The following UVRAG variants were observed in gnomAD, a reference collection of about 807,000 sequenced individuals.
UVRAG encodes UV radiation resistance-associated gene protein.
In UVRAG, 19 loss-of-function variants were observed where a neutral mutation model predicts 78.0. The observed-to-expected ratio is 0.24, with a 90% CI of 0.17 to 0.36. The LOEUF (loss-of-function observed/expected upper bound fraction) is 0.36. Among genes scored for constraint, UVRAG ranks in the 10% least tolerant of loss-of-function variants. The pLI, the probability that UVRAG is intolerant of heterozygous loss-of-function variation, is 1.00. For synonymous variants in UVRAG, 323 were observed against 324.6 expected (o/e 1.00, Z 0.05); for missense variants, 740 against 853.8 (o/e 0.87, Z 1.66).
chr11:76,142,642 G>T lies in UVRAG; in HGVS notation c.*1229G>T, dbSNP rs1194458347. On this transcript the variant is annotated 3_prime_UTR_variant, in exon 15 of 15. Transcript: ENST00000356136. ...TATTATATAGAAGAATAAAAATTGA[G>T]TTTACTTCACCCGACCTGATTTTTT... 3.9e-5 allele frequency: 6 copies of T among 152,272 alleles called. No individual in the cohort carries two copies. The highest frequency in any genetic ancestry group is 8.8e-5 in the Non-Finnish European group (6 of 68,026). The allele number at this position is 152,272 out of a possible 1,614,324, so 9.4% of individuals were successfully genotyped here.
intron 9 of UVRAG, among the ~76,000 whole-genome samples, chr11:76,006,391 G>A (rs1378550434): frequency 6.6e-6 from 1 of 152,094 alleles, no homozygotes; most frequent in African/African-American, 2.4e-5. Context: ...CAGGCAAGGT[G>A]TCTCATGCCT....
intron 13 of UVRAG, among the ~76,000 whole-genome samples, chr11:76,094,298 G>A (rs1414985705): frequency 6.6e-6 from 1 of 152,158 alleles, no homozygotes; most frequent in Non-Finnish European, 1.5e-5. Context: ...ATGTTCATAA[G>A]GGATATTGGT....
chr11:75,869,003 A>G (rs1356577876), intron 3 of UVRAG, among the ~76,000 whole-genome samples: 2 of 152,224 alleles, frequency 1.3e-5, no homozygotes, highest in East Asian at 1.9e-4. Flanking sequence ...CATGTTGGAC[A>G]TGTCATATAC....
intron 13 of UVRAG, among the ~76,000 whole-genome samples, chr11:76,096,423 A>T (rs558547556): frequency 6.6e-6 from 1 of 152,306 alleles, no homozygotes; most frequent in South Asian, 2.1e-4. Context: ...GAAGGAAAAA[A>T]ATTAAACCTT....
chr11:76,095,209 C>T (rs1441257988), intron 13 of UVRAG, among the ~76,000 whole-genome samples: 1 of 152,062 alleles, frequency 6.6e-6, no homozygotes, highest in African/African-American at 2.4e-5. Context: ...GATTTTCAAC[C>T]GGTCTTCCTA....
intron 11 of UVRAG, among the ~76,000 whole-genome samples, chr11:76,010,240 C>T (rs1222213712): frequency 6.6e-6 from 1 of 152,098 alleles, no homozygotes; most frequent in Non-Finnish European, 1.5e-5. Context: ...GAACATTATT[C>T]ATTGAAAAAA....
At chr11:75,840,897 A>G (rs1361018485) in intron 1 of UVRAG, among the ~76,000 whole-genome samples, 1 of 152,208 alleles carries the variant, frequency 6.6e-6, no homozygotes, top group African/African-American at 2.4e-5. Context: ...GTGCTATAAT[A>G]TAGAGAGCTC....
intron 12 of UVRAG, among the ~76,000 whole-genome samples, chr11:76,037,824 G>C (rs1950566019): frequency 6.6e-6 from 1 of 152,182 alleles, no homozygotes; most frequent in Non-Finnish European, 1.5e-5. Context: ...CAGCACTCAA[G>C]ATTCCCATTA....
At chr11:75,862,221 C>A (rs952579977) in intron 3 of UVRAG, among the ~76,000 whole-genome samples, 1 of 152,172 alleles carries the variant, frequency 6.6e-6, no homozygotes, top group Non-Finnish European at 1.5e-5. Flanking sequence ...TTATTTCACT[C>A]GCCATATGTC....
chr11:76,008,163 G>A (rs1949985618), intron 10 of UVRAG, among the ~76,000 whole-genome samples: 1 of 152,070 alleles, frequency 6.6e-6, no homozygotes, highest in Non-Finnish European at 1.5e-5. Context: ...ACCCACCTCA[G>A]CCTCCCAAAG....
At chr11:75,886,003 G>A (rs967182089) in intron 4 of UVRAG, among the ~76,000 whole-genome samples, 40 of 152,068 alleles carry the variant, frequency 2.6e-4, no homozygotes, top group Non-Finnish European at 1.2e-4. Flanking sequence ...GGCTGATGAA[G>A]GAATTAAAGT....
chr11:75,842,989 T>A (rs898791899), intron 1 of UVRAG, among the ~76,000 whole-genome samples: 7 of 152,310 alleles, frequency 4.6e-5, no homozygotes, highest in African/African-American at 1.7e-4. Context: ...AAGCAAGTGA[T>A]CCAGCAAGGG....
intron 6 of UVRAG, among the ~76,000 whole-genome samples, chr11:75,949,490 T>TA (rs1948643054): frequency 1.3e-5 from 2 of 152,046 alleles, no homozygotes; most frequent in Non-Finnish European, 2.9e-5. Flanking sequence ...AACAGATCTT[T>TA]ATATTCAACT....
At chr11:75,983,855 A>G (rs1056674448) in intron 8 of UVRAG, 5 of 171,188 alleles carry the variant, frequency 2.9e-5, no homozygotes, top group East Asian at 3.1e-4. Context: ...TAAAAATACT[A>G]TGCTATAATC....
intron 12 of UVRAG, among the ~76,000 whole-genome samples, chr11:76,048,843 T>C (rs1051084858): frequency 2.6e-5 from 4 of 152,172 alleles, no homozygotes; most frequent in African/African-American, 7.2e-5. Context: ...ACTTAAGTAG[T>C]TTAACAGATT....
chr11:76,091,845 TTTA>T (rs1951704141), intron 13 of UVRAG, among the ~76,000 whole-genome samples: 1 of 152,100 alleles, frequency 6.6e-6, no homozygotes, highest in Non-Finnish European at 1.5e-5. Context: ...TTGTTTTTTT[TTTA>T]TTATTCTTTA....
At chr11:75,830,723 A>G (rs183909868) in intron 1 of UVRAG, among the ~76,000 whole-genome samples, 156 of 152,330 alleles carry the variant, frequency 1.0e-3, no homozygotes, top group African/African-American at 3.5e-3. Context: ...CTCTGTGCAC[A>G]TTTTTAACCT....
chr11:75,889,788 A>G (rs1947176345), intron 5 of UVRAG, among the ~76,000 whole-genome samples: 1 of 152,254 alleles, frequency 6.6e-6, no homozygotes, highest in African/African-American at 2.4e-5. Flanking sequence ...TGGAGTATAT[A>G]TGCAAGAGGC....
At chr11:75,918,334 C>T (rs566369472) in intron 6 of UVRAG, among the ~76,000 whole-genome samples, 4 of 150,742 alleles carry the variant, frequency 2.7e-5, no homozygotes, top group Admixed American at 1.3e-4. Flanking sequence ...GCCGAGATCG[C>T]GCCGCTGCTC....
Sources: allele counts gnomAD v4.1 joint callset (sites outside exome capture counted in the v4.1 genomes callset), GRCh38; gene constraint gnomAD v4.1.1; transcripts MANE v1.5; gene names NCBI Gene and HGNC (gene_info 2026-07-23, HGNC 2026-07-21).